Variants in MCHR2 observed in about 807,000 individuals in gnomAD.
MCHR2 encodes the protein melanin-concentrating hormone receptor 2.
A neutral mutation model predicts 24.8 loss-of-function variants in MCHR2; 15 were observed. The ratio of observed to expected loss-of-function variants is 0.60; its 90% confidence interval spans 0.40 to 0.93. The LOEUF (loss-of-function observed/expected upper bound fraction) is 0.93. Ranked by LOEUF, MCHR2 falls within the 40% of genes least tolerant of loss-of-function variation. The pLI is 0.00. For missense variants in MCHR2, 386 were observed against 408.7 expected (o/e 0.94, Z 0.48); for synonymous variants, 151 against 147.6 (o/e 1.02, Z -0.17).
At chr6:99,954,038 C>A (rs1232127959) in intron 2 of MCHR2, among the ~76,000 whole-genome samples, 1 of 152,066 alleles carries the variant, frequency 6.6e-6, no homozygotes, top group African/African-American at 2.4e-5. Context: ...CTCACATGAC[C>A]ATCCTGAGGG....
chr6:99,962,044 T>A (rs1022353373), intron 1 of MCHR2, among the ~76,000 whole-genome samples: 6 of 152,262 alleles, frequency 3.9e-5, no homozygotes, highest in Admixed American at 1.3e-4. Context: ...TAAGTAAAAA[T>A]CTTTTTACCT....
intron 5 of MCHR2, among the ~76,000 whole-genome samples, chr6:99,928,692 A>G (rs1217061770): frequency 2.0e-5 from 3 of 152,028 alleles, no homozygotes; most frequent in African/African-American, 4.8e-5. Flanking sequence ...TATCCCCTTT[A>G]TCACTTTTTA....
intron 1 of MCHR2, among the ~76,000 whole-genome samples, chr6:99,985,661 T>C (rs1055194345): frequency 6.6e-6 from 1 of 152,160 alleles, no homozygotes; most frequent in African/African-American, 2.4e-5. Flanking sequence ...TCTCTCAGCA[T>C]ATACAAAAGT....
At position 99,920,114 on chromosome 6, in the gene MCHR2, G is replaced by T. The variant is rs1774193243; in HGVS notation, c.*826C>A. On this transcript the variant is annotated 3_prime_UTR_variant, in exon 6 of 6. Coordinates refer to ENST00000281806, the MANE Select transcript of MCHR2 (RefSeq NM_001040179.2). ...CAGTTTCTACAGTTAGCAGGTGTGA[G>T]AACAAAGATAATCCAAAATGATGCT... 1 of 152,182 alleles carries T rather than the reference G, an allele frequency of 6.6e-6. No individual in the cohort carries two copies. Among genetic ancestry groups the T allele is most frequent in the Non-Finnish European group, 1.5e-5 (1 of 68,034 alleles). The allele number at this position is 152,182 out of a possible 1,614,324, so 9.4% of individuals were successfully genotyped here.
In MCHR2 at chr6:99,919,143, G is replaced by T. The variant is rs987877710; in HGVS notation, c.*1797C>A. On this transcript the variant is annotated 3_prime_UTR_variant, in exon 6 of 6. Transcript: ENST00000281806. ...GGCCATGACACAGCTTCTTATTGAC[G>T]TTTTATAGGAGCATCCAGCTGCATA... Among the ~76,000 whole-genome samples, 1 of 152,104 alleles carries T rather than the reference G, an allele frequency of 6.6e-6. No individual in the cohort carries two copies. Among genetic ancestry groups the T allele is most frequent in the Admixed American group, 6.6e-5 (1 of 15,262 alleles).
intron 2 of MCHR2, among the ~76,000 whole-genome samples, chr6:99,955,567 G>T (rs886413679): frequency 2.0e-5 from 3 of 152,124 alleles, no homozygotes; most frequent in Non-Finnish European, 4.4e-5. Context: ...GCTGGAAAAT[G>T]AAATGTTGCA....
intron 4 of MCHR2, among the ~76,000 whole-genome samples, chr6:99,941,232 C>A (rs577922325): frequency 9.3e-6 from 1 of 107,068 alleles, no homozygotes; most frequent in South Asian, 3.5e-4. Context: ...TTACAGTTGG[C>A]TTGGAGGCTT....
At chr6:99,978,698 G>A (rs1021372818) in intron 1 of MCHR2, among the ~76,000 whole-genome samples, 2 of 152,096 alleles carry the variant, frequency 1.3e-5, no homozygotes, top group Non-Finnish European at 2.9e-5. Flanking sequence ...GATGACAGGC[G>A]TGAGCCACCA....
rs1774871203 is a variant in MCHR2 at position 99,946,330 on chromosome 6, C to G, written c.392+1432G>C. Among the ~76,000 whole-genome samples, 5 of 152,164 alleles carry G rather than the reference C, an allele frequency of 3.3e-5. No individual in the cohort carries two copies. In the South Asian group the frequency reaches 1.0e-3, roughly 31 times the overall value. The stretch of plus-strand genomic sequence containing the variant: ...GCACATTCTATATTTTGAAAGTTCT[C>G]TTGCAGAAAAACAAAAGGATATTTA... On this transcript the variant is annotated intron_variant, in intron 3 of 5. Transcript: ENST00000281806.
At chr6:99,982,472 A>AAG (rs1289502011) in intron 1 of MCHR2, among the ~76,000 whole-genome samples, 19 of 143,018 alleles carry the variant, frequency 1.3e-4, no homozygotes, top group African/African-American at 4.9e-4. Flanking sequence ...GTACAGAAAA[A>AAG]AAAAAAAAAA....
At chr6:99,957,418 T>TTTGGTTCC (rs1775086476) in intron 1 of MCHR2, among the ~76,000 whole-genome samples, 1 of 152,204 alleles carries the variant, frequency 6.6e-6, no homozygotes, top group Non-Finnish European at 1.5e-5. Flanking sequence ...TTCATTTTCA[T>TTTGGTTCC]TTGGTTCCTT....
At chr6:99,968,403 T>C (rs1775333172) in intron 1 of MCHR2, among the ~76,000 whole-genome samples, 2 of 152,184 alleles carry the variant, frequency 1.3e-5, no homozygotes, top group Non-Finnish European at 2.9e-5. Context: ...ATGACTGGAT[T>C]TAGATATGGG....
At chr6:99,987,232 C>T (rs1439295135) in intron 1 of MCHR2, among the ~76,000 whole-genome samples, 1 of 152,024 alleles carries the variant, frequency 6.6e-6, no homozygotes, top group Non-Finnish European at 1.5e-5. Flanking sequence ...TCCCAAGTAG[C>T]TGGGATTACA....
intron 1 of MCHR2, among the ~76,000 whole-genome samples, chr6:99,977,904 T>G (rs1023267228): frequency 2.6e-5 from 4 of 152,194 alleles, no homozygotes; most frequent in East Asian, 3.9e-4. Flanking sequence ...ATGTTAATAT[T>G]CAATCTTGGA....
intron 1 of MCHR2, among the ~76,000 whole-genome samples, chr6:99,959,836 T>TAAA (rs906337669): frequency 7.0e-6 from 1 of 143,102 alleles, no homozygotes; most frequent in Non-Finnish European, 1.6e-5. Flanking sequence ...ATAATAATGA[T>TAAA]AATAATAATA....
chr6:99,985,259 A>T (rs774834866), intron 1 of MCHR2, among the ~76,000 whole-genome samples: 7 of 152,302 alleles, frequency 4.6e-5, no homozygotes, highest in Middle Eastern at 3.4e-3. Flanking sequence ...TGCCCAAAAC[A>T]ATCTACAGAT....
chr6:99,976,622 C>T (rs542910370), intron 1 of MCHR2, among the ~76,000 whole-genome samples: 23 of 148,454 alleles, frequency 1.5e-4, no homozygotes, highest in Admixed American at 8.9e-4. Flanking sequence ...TTTCGTGGAG[C>T]ACCACCTGTG....
chr6:99,925,501 T>A (rs1774331696), intron 5 of MCHR2, among the ~76,000 whole-genome samples: 1 of 152,138 alleles, frequency 6.6e-6, no homozygotes, highest in African/African-American at 2.4e-5. Flanking sequence ...CTTCCTTTAG[T>A]GAAGGTGATT....
intron 1 of MCHR2, among the ~76,000 whole-genome samples, chr6:99,968,480 C>G (rs916209385): frequency 6.6e-6 from 1 of 152,182 alleles, no homozygotes; most frequent in African/African-American, 2.4e-5. Flanking sequence ...TCTCACATCT[C>G]AGTTGCCCAC....
Sources: gnomAD v4.1 joint callset for allele counts (sites outside exome capture counted in the v4.1 genomes callset) on GRCh38, gnomAD v4.1.1 for gene constraint, MANE v1.5 for transcripts, NCBI Gene and HGNC (gene_info 2026-07-23, HGNC 2026-07-21) for gene names.